The following CLCA4 variants were observed in gnomAD, a reference collection of about 807,000 sequenced individuals.
CLCA4 encodes calcium-activated chloride channel regulator 4.
A neutral mutation model predicts 78.9 loss-of-function variants in CLCA4; 69 were observed. The observed-to-expected ratio is 0.87, with a 90% CI of 0.72 to 1.07. The LOEUF is 1.07. Among genes scored for constraint, CLCA4 ranks in the 50% least tolerant of loss-of-function variants. CLCA4 has a pLI of 0.00. For synonymous variants in CLCA4, 362 were observed against 375.8 expected (o/e 0.96, Z 0.42); for missense variants, 1,133 against 1,095.8 (o/e 1.03, Z -0.48).
intron 3 of CLCA4, among the ~76,000 whole-genome samples, chr1:86,560,711 G>A (rs564542716): frequency 6.6e-5 from 10 of 152,110 alleles, no homozygotes; most frequent in African/African-American, 2.2e-4. Context: ...CTCCATAGCT[G>A]GATATTAACA....
At chr1:86,548,291 A>G (rs1194438411) in intron 1 of CLCA4, among the ~76,000 whole-genome samples, 1 of 152,048 alleles carries the variant, frequency 6.6e-6, no homozygotes, top group African/African-American at 2.4e-5. Context: ...AAATATTATT[A>G]TTATTATTAC....
At chr1:86,575,649 G>A in intron 11 of CLCA4, 50 bp downstream of exon 11, 4 of 1,518,038 alleles carry the variant, frequency 2.6e-6, no homozygotes, top group Non-Finnish European at 3.6e-6. Context: ...AATTCAGCAT[G>A]TTGTGAGTCC....
At chr1:86,576,424 C>T (rs1650524250) in intron 11 of CLCA4, among the ~76,000 whole-genome samples, 1 of 152,024 alleles carries the variant, frequency 6.6e-6, no homozygotes, top group Non-Finnish European at 1.5e-5. Flanking sequence ...CTTAAGCCAC[C>T]CTCCCACCCC....
At chr1:86,553,250 G>A (rs1179881963) in intron 1 of CLCA4, 2 of 934,930 alleles carry the variant, frequency 2.1e-6, no homozygotes, top group East Asian at 2.4e-5. Context: ...GCCGCTGCAA[G>A]CTGTACGAGG....
chr1:86,580,335 C>A lies in CLCA4; in HGVS notation c.2750C>A (p.Thr917Asn). The A allele has an allele frequency of 1.3e-6, 2 of 1,583,886 alleles. No individual in the cohort carries two copies. Among genetic ancestry groups the A allele is most frequent in the Non-Finnish European group, 8.6e-7 (1 of 1,168,836 alleles). The change falls in exon 14 of 14, where the codon ACC (threonine) becomes AAC (asparagine). Residue 917 changes from threonine (T) to asparagine (N), a missense_variant. Coordinates refer to ENST00000370563, the MANE Select transcript of CLCA4 (RefSeq NM_012128.4). ...GTAATTGTTAACTTTATTTTAAGTACCACCATTTGAACCTTAACGAAGAAA... is the reference window on the plus strand; with the variant it reads ...GTAATTGTTAACTTTATTTTAAGTAACACCATTTGAACCTTAACGAAGAAA... ...SVVIVNFILS[T>N]TI is the part of the protein sequence containing the mutation.
chr1:86,568,382 AATTT>A (rs1469697583), intron 7 of CLCA4, among the ~76,000 whole-genome samples: 2 of 148,592 alleles, frequency 1.3e-5, no homozygotes, highest in Non-Finnish European at 3.0e-5. Context: ...ATTATATAAT[AATTT>A]ATTATAAGTG....
intron 13 of CLCA4, 77 bp from the exon 14 acceptor site, chr1:86,579,865 C>T (rs1227713679): frequency 6.9e-6 from 7 of 1,013,178 alleles, no homozygotes; most frequent in South Asian, 3.3e-5. Context: ...CATAACTAGA[C>T]ATTTTTGAGA....
In CLCA4 at chr1:86,575,426, C is replaced by T. The variant is rs1650480644; in HGVS notation, c.1778C>T (p.Pro593Leu). ...CGAGCAGCAAATTCTTCTGTGCCTC[C>T]AATCACAGTGAATGCTAAAATGAAT... ...TSRAANSSVPPITVNAKMNKD... is the reference protein window; with the variant it reads ...TSRAANSSVPLITVNAKMNKD... Residue 593 changes from proline (P) to leucine (L), a missense_variant, in exon 11 of 14, where the codon CCA becomes CTA. Pro to Leu is a moderately conservative substitution (Grantham distance 98, BLOSUM62 -3). Transcript: ENST00000370563. 3.1e-6 allele frequency: 5 copies of T among 1,613,382 alleles called. No individual in the cohort carries two copies. Among genetic ancestry groups the T allele is most frequent in the Non-Finnish European group, 4.2e-6 (5 of 1,179,556 alleles).
Position 86,566,004 on chromosome 1 carries a change from A to G in CLCA4, c.938A>G (p.Lys313Arg). The G allele has an allele frequency of 6.2e-7, 1 of 1,612,292 alleles. No homozygotes were observed. The highest frequency in any genetic ancestry group is 8.5e-7 in the Non-Finnish European group (1 of 1,178,790). ...AGAATTGTGTGCTTAGTTCTTGATAAGTCTGGAAGCATGGGGGTAAGATCA... is the reference window on the plus strand; with the variant it reads ...AGAATTGTGTGCTTAGTTCTTGATAGGTCTGGAAGCATGGGGGTAAGATCA... ...SQRIVCLVLD[K>R]SGSMGGKDRL... Residue 313 changes from lysine (K) to arginine (R), a missense_variant, in exon 6 of 14, where the codon AAG becomes AGG. By Grantham distance (26) the Lys-to-Arg change is conservative. Coordinates refer to ENST00000370563, the MANE Select transcript of CLCA4 (RefSeq NM_012128.4).
At chr1:86,560,997 A>G (rs938649412) in intron 3 of CLCA4, among the ~76,000 whole-genome samples, 2 of 152,252 alleles carry the variant, frequency 1.3e-5, no homozygotes, top group African/African-American at 4.8e-5. Context: ...AGGGCTCTAC[A>G]CATGTATCAC....
intron 1 of CLCA4, 108 bp downstream of exon 1, chr1:86,547,386 A>G (rs1649535310): frequency 3.7e-6 from 3 of 804,152 alleles, no homozygotes; most frequent in South Asian, 4.8e-5. Flanking sequence ...ATTTCTATAC[A>G]TGTATACAAT....
chr1:86,572,697 G>T lies in CLCA4; in HGVS notation c.1444G>T (p.Asp482Tyr), dbSNP rs1334847639. ...AFGALTSGNT[D>Y]LSQKSLQLES... ...TGGGGCTCTTACATCAGGAAATACTGATCTCTCCCAGAAGTCCCTTCAGGT... is the reference window on the plus strand; with the variant it reads ...TGGGGCTCTTACATCAGGAAATACTTATCTCTCCCAGAAGTCCCTTCAGGT... The change falls in exon 9 of 14, where the codon GAT becomes TAT. Residue 482 changes from aspartate (D) to tyrosine (Y), a missense_variant. Asp to Tyr is a radical substitution (Grantham distance 160). Coordinates refer to ENST00000370563, the MANE Select transcript of CLCA4 (RefSeq NM_012128.4). The T allele has an allele frequency of 6.3e-7, 1 of 1,598,280 alleles. No homozygotes were observed. Among genetic ancestry groups the T allele is most frequent in the African/African-American group, 1.3e-5 (1 of 74,590 alleles).
At chr1:86,564,533 G>A (rs1319204463) in intron 4 of CLCA4, among the ~76,000 whole-genome samples, 1 of 152,078 alleles carries the variant, frequency 6.6e-6, no homozygotes, top group Non-Finnish European at 1.5e-5. Flanking sequence ...GTTTCATCAT[G>A]TCCACCTAGT....
rs1180363556 is a variant in CLCA4 at position 86,547,114 on chromosome 1, G to C, written c.-6G>C. 2 of 1,596,228 alleles carry C rather than the reference G, an allele frequency of 1.3e-6. No homozygotes were observed. The highest frequency in any genetic ancestry group is 8.5e-7 in the Non-Finnish European group (1 of 1,175,794). On this transcript the variant is annotated 5_prime_UTR_variant, in exon 1 of 14. Transcript: ENST00000370563. ...CATTTGAGCCAGGAATAACTAGAGA[G>C]GAACAATGGGGTTATTCAGAGGTTT... is the stretch of plus-strand genomic sequence containing the variant.
chr1:86,578,025 G>A lies in CLCA4; in HGVS notation c.2075G>A (p.Arg692Gln), dbSNP rs763955421. 5.6e-6 allele frequency: 9 copies of A among 1,612,616 alleles called. No homozygotes were observed. The highest frequency in any genetic ancestry group is 1.7e-5 in the Admixed American group (1 of 59,860). ...GCAAACACTGCCAGGCTAAAATTAC[G>A]GCCTCCACTGAATAGAGCCGCGTAC... The part of the protein sequence containing the change: ...GGANTARLKL[R>Q]PPLNRAAYIP... Residue 692 changes from arginine (R) to glutamine (Q), a missense_variant, in exon 12 of 14, where the codon CGG (arginine) becomes CAG (glutamine). Transcript: ENST00000370563.
At chr1:86,552,062 A>C (rs1281372065) in intron 1 of CLCA4, among the ~76,000 whole-genome samples, 1 of 152,164 alleles carries the variant, frequency 6.6e-6, no homozygotes, top group Non-Finnish European at 1.5e-5. Flanking sequence ...AAAATCCCTT[A>C]TTTAAACCTG....
At position 86,571,228 on chromosome 1, in the gene CLCA4, C is replaced by A; in HGVS notation, c.1334C>A (p.Ala445Glu). The A allele has an allele frequency of 1.2e-6, 2 of 1,612,214 alleles. No homozygotes were observed. The highest frequency in any genetic ancestry group is 2.2e-5 in the South Asian group (2 of 90,940). Residue 445 changes from alanine to glutamate, a missense_variant, in exon 8 of 14, where the codon GCA becomes GAA. Physicochemically the swap from Ala to Glu is moderately radical, Grantham distance 107. Transcript: ENST00000370563. Reference protein sequence around the residue: ...FIALGRAADEAVIEMSKITGG... With the variant: ...FIALGRAADEEVIEMSKITGG... ...GCTTTGGGAAGAGCTGCTGATGAAGCAGTAATAGAGATGAGCAAGATAACA... is the reference window on the plus strand; with the variant it reads ...GCTTTGGGAAGAGCTGCTGATGAAGAAGTAATAGAGATGAGCAAGATAACA...
chr1:86,551,676 G>C (rs1486385873), intron 1 of CLCA4, among the ~76,000 whole-genome samples: 1 of 152,204 alleles, frequency 6.6e-6, no homozygotes, highest in African/African-American at 2.4e-5. Context: ...GCCAGGGCAG[G>C]TGCCTGGGCT....
At chr1:86,574,912 G>A (rs1366871566) in intron 10 of CLCA4, among the ~76,000 whole-genome samples, 157 bp downstream of exon 10, 1 of 151,912 alleles carries the variant, frequency 6.6e-6, no homozygotes, top group Non-Finnish European at 1.5e-5. Context: ...AACTATGATG[G>A]TAGGAAAAAA....
Sources: gnomAD v4.1 joint callset for allele counts (sites outside exome capture counted in the v4.1 genomes callset) on GRCh38, gnomAD v4.1.1 for gene constraint, MANE v1.5 for transcripts, NCBI Gene and HGNC (gene_info 2026-07-23, HGNC 2026-07-21) for gene names.